The following PRPF40B variants were observed in gnomAD, a reference collection of about 807,000 sequenced individuals.
PRPF40B encodes pre-mRNA processing factor 40B, also known as pre-mRNA-processing factor 40 homolog B.
PRPF40B carries 56 observed loss-of-function variants against 124.5 expected under a neutral mutation model. That is an observed-to-expected ratio of 0.45 (90% CI 0.36 to 0.56). The LOEUF is 0.56. Ranked by LOEUF, PRPF40B falls within the 20% of genes least tolerant of loss-of-function variation. PRPF40B has a pLI of 0.00. For synonymous variants in PRPF40B, 443 were observed against 426.4 expected (o/e 1.04, Z -0.48); for missense variants, 1,053 against 1,169.5 (o/e 0.90, Z 1.45).
In PRPF40B at chr12:49,642,015, C is replaced by T; in HGVS notation, c.1875C>T (p.Thr625=). The T allele has an allele frequency of 6.2e-7, 1 of 1,612,820 alleles. No homozygotes were observed. ...AALDAGNIKL[T]FNSLLEKAEA... ...TGGACGCAGGCAACATCAAGCTGACCTTCAATAGTGTGAGGGGCTGGGCGG... is the reference window on the plus strand; with the variant it reads ...TGGACGCAGGCAACATCAAGCTGACTTTCAATAGTGTGAGGGGCTGGGCGG... The change falls in exon 19 of 26, where the codon ACC becomes ACT. Residue 625 remains threonine (T), a synonymous_variant. Transcript: ENST00000548825. This position sits in a 1 kb window ranked among gnomAD's most constrained non-coding sequence, Gnocchi z 5.8.
Position 49,637,719 on chromosome 12 carries a change from C to T in PRPF40B, c.1676-14C>T, listed in dbSNP as rs755544540. The T allele has an allele frequency of 3.2e-6, 5 of 1,563,724 alleles. No individual in the cohort carries two copies. Among genetic ancestry groups the T allele is most frequent in the Non-Finnish European group, 2.6e-6 (3 of 1,138,148 alleles). On this transcript the variant is annotated splice_polypyrimidine_tract_variant and intron_variant, in intron 17 of 25. Transcript: ENST00000548825. ...GCTGCCGCCCGCCAGGCCCCCCTCC[C>T]TCCCTCCTTACAGGCTCCACCCCTC...
intron 2 of PRPF40B, among the ~76,000 whole-genome samples, 190 bp downstream of exon 2, chr12:49,630,815 G>A (rs1011375191): frequency 6.6e-6 from 1 of 152,114 alleles, no homozygotes; most frequent in African/African-American, 2.4e-5. Flanking sequence ...ACATAACATT[G>A]ACAATTCCCC....
At chr12:49,636,061 T>G in intron 15 of PRPF40B, 68 bp downstream of exon 15, 3 of 1,586,466 alleles carry the variant, frequency 1.9e-6, no homozygotes, top group South Asian at 1.1e-5. Flanking sequence ...CCCCAGAGTC[T>G]GCCTCACCCC....
chr12:49,643,773 C>A (rs1414110391), intron 24 of PRPF40B, 21 bp downstream of exon 24: 1 of 1,613,654 alleles, frequency 6.2e-7, no homozygotes, highest in Non-Finnish European at 8.5e-7. Context: ...GAACTTCTAC[C>A]TAAGCCCCTG....
intron 9 of PRPF40B, 97 bp from the exon 10 acceptor site, chr12:49,633,789 T>C (rs996470979): frequency 6.2e-7 from 1 of 1,605,818 alleles, no homozygotes; most frequent in Non-Finnish European, 8.5e-7. Context: ...TCATCCCCTC[T>C]GGCCCCAGTC....
Position 49,636,691 on chromosome 12 carries a change from C to G in PRPF40B, c.1427-25C>G, listed in dbSNP as rs545428941. The G allele has an allele frequency of 1.2e-5, 19 of 1,613,190 alleles. No individual in the cohort carries two copies. The South Asian group carries it at 2.1e-4, about 18-fold the overall frequency. On this transcript the variant is annotated intron_variant, in intron 15 of 25. Coordinates refer to ENST00000548825, the MANE Select transcript of PRPF40B (RefSeq NM_001031698.3). ...GAGGGTATCCTGCTGGGACAATGCC[C>G]GCGGAACCTCCTGCCTGTCTTTAGA...
Position 49,643,978 on chromosome 12 carries a change from C to T in PRPF40B, c.2560C>T (p.Pro854Ser), listed in dbSNP as rs770659188. 1 of 1,614,172 alleles carries T rather than the reference C, an allele frequency of 6.2e-7. No homozygotes were observed. The highest frequency in any genetic ancestry group is 8.5e-7 in the Non-Finnish European group (1 of 1,180,032). ...ACAGGCAGAGCTCCCTAACCGTTCC[C>T]CAGGCTTTGGAATCAAGAAGGAGAA... The part of the protein sequence containing the change: ...LQQAELPNRS[P>S]GFGIKKEKTG... The change falls in exon 25 of 26, where the codon CCA (proline) becomes TCA (serine). Residue 854 changes from proline to serine, a missense_variant. Pro to Ser is a moderately conservative substitution (Grantham distance 74, BLOSUM62 -1). Transcript: ENST00000548825.
intron 18 of PRPF40B, chr12:49,639,856 T>C (rs1179577589): frequency 6.6e-6 from 1 of 152,174 alleles, no homozygotes; most frequent in Non-Finnish European, 1.5e-5. Flanking sequence ...GGAATTCTAT[T>C]TGGGGAATTA....
At chr12:49,623,854 T>A in intron 1 of PRPF40B, 1 of 1,003,962 alleles carries the variant, frequency 1.0e-6, no homozygotes, top group Non-Finnish European at 1.2e-6. Flanking sequence ...AAGAGTGGGA[T>A]TGGGAGAGGT....
chr12:49,625,134 A>G (rs1399395992), intron 1 of PRPF40B, among the ~76,000 whole-genome samples: 2 of 152,154 alleles, frequency 1.3e-5, no homozygotes, highest in Non-Finnish European at 2.9e-5. Flanking sequence ...GACCTTGGGA[A>G]CACCTGGCTC....
chr12:49,635,746 G>T lies in PRPF40B; in HGVS notation c.1276-97G>T, dbSNP rs986351452. On this transcript the variant is annotated intron_variant, in intron 14 of 25. Transcript: ENST00000548825. The surrounding 1 kb of genome is among the most constrained non-coding windows in gnomAD (Gnocchi z 4.1). ...AGTCTTGAGTATGGCCTTCTTCCTA[G>T]GGTTCCCTAGCTACCTTTCCCCAGG... is the stretch of plus-strand genomic sequence containing the variant. 5 of 1,463,142 alleles carry T rather than the reference G, an allele frequency of 3.4e-6. No homozygotes were observed. The highest frequency in any genetic ancestry group is 1.4e-5 in the African/African-American group (1 of 71,678). 90.6% of individuals were successfully genotyped at this position (1,463,142 alleles called of 1,614,324 possible).
chr12:49,643,041 TG>T lies in PRPF40B; in HGVS notation c.2205+29del, dbSNP rs748049386. ...AGTGAGTAAGCGTGTAGAAGGGACA[TG>T]GGGTGAAGCTGGGTTGTTTTGGGGA... On this transcript the variant is annotated intron_variant, in intron 22 of 25. Coordinates refer to ENST00000548825, the MANE Select transcript of PRPF40B (RefSeq NM_001031698.3). 4.3e-6 allele frequency: 7 copies of T among 1,611,170 alleles called. No homozygotes were observed. In the South Asian group the frequency reaches 7.7e-5, roughly 18 times the overall value.
In PRPF40B at chr12:49,631,398, C is replaced by A; in HGVS notation, c.85-3C>A. The stretch of plus-strand genomic sequence containing the variant: ...CAGTATCTCTTCCTTTACTCATTTC[C>A]AGATGCCCCCTCCAGGGATCCCCCC... On this transcript the variant is annotated splice_region_variant and splice_polypyrimidine_tract_variant and intron_variant, in intron 2 of 25. Transcript: ENST00000548825. This position sits in a 1 kb window ranked among gnomAD's most constrained non-coding sequence, Gnocchi z 4.3. 1 of 1,509,460 alleles carries A rather than the reference C, an allele frequency of 6.6e-7. No individual in the cohort carries two copies. Among genetic ancestry groups the A allele is most frequent in the Non-Finnish European group, 8.8e-7 (1 of 1,132,400 alleles). The allele number at this position is 1,509,460 out of a possible 1,614,324, so 93.5% of individuals were successfully genotyped here.
intron 18 of PRPF40B, 52 bp from the exon 19 acceptor site, chr12:49,641,856 C>G: frequency 7.3e-6 from 11 of 1,508,044 alleles, no homozygotes; most frequent in Non-Finnish European, 9.2e-6. Flanking sequence ...TGCCTGCCAG[C>G]TTTGGCCTCA....
Position 49,642,125 on chromosome 12 carries a change from G to A in PRPF40B, c.1884+101G>A. 5 of 1,603,246 alleles carry A rather than the reference G, an allele frequency of 3.1e-6. No individual in the cohort carries two copies. The highest frequency in any genetic ancestry group is 4.3e-6 in the Non-Finnish European group (5 of 1,172,474). ...CACTGACTATATTCCCAATTCAGGG[G>A]ATGGTGGTAGAAGCCCAGACCCTAA... On this transcript the variant is annotated intron_variant, in intron 19 of 25. Transcript: ENST00000548825. The surrounding 1 kb of genome is among the most constrained non-coding windows in gnomAD (Gnocchi z 5.8).
Position 49,635,561 on chromosome 12 carries a change from C to A in PRPF40B, c.1275+88C>A. On this transcript the variant is annotated intron_variant, in intron 14 of 25. Transcript: ENST00000548825. The surrounding 1 kb of genome is among the most constrained non-coding windows in gnomAD (Gnocchi z 4.1). ...TGTTATGGACCCTCGCCATTTACTTCTCTACTTCCCCAGTGTCCCAGCTTC... is the reference window on the plus strand; with the variant it reads ...TGTTATGGACCCTCGCCATTTACTTATCTACTTCCCCAGTGTCCCAGCTTC... The A allele has an allele frequency of 7.8e-7, 1 of 1,274,140 alleles. No individual in the cohort carries two copies. Among genetic ancestry groups the A allele is most frequent in the Admixed American group, 2.2e-5 (1 of 45,238 alleles). The allele number at this position is 1,274,140 out of a possible 1,614,324, so 78.9% of individuals were successfully genotyped here.
chr12:49,623,598 C>T lies in PRPF40B; in HGVS notation c.3+5C>T, dbSNP rs1940394106. 2 of 1,233,848 alleles carry T rather than the reference C, an allele frequency of 1.6e-6. No individual in the cohort carries two copies. The highest frequency in any genetic ancestry group is 2.0e-6 in the Non-Finnish European group (2 of 988,816). The allele number at this position is 1,233,848 out of a possible 1,614,324, so 76.4% of individuals were successfully genotyped here. ...CTGCTCGGAGGCTCTGGCATGGTAA[C>T]ATCCCCGCGCGGGGGTGGAGGGGCT... On this transcript the variant is annotated splice_donor_5th_base_variant and intron_variant, in intron 1 of 25. Coordinates refer to ENST00000548825, the MANE Select transcript of PRPF40B (RefSeq NM_001031698.3).
At position 49,632,598 on chromosome 12, in the gene PRPF40B, G is replaced by A. The variant is rs374768445; in HGVS notation, c.297G>A (p.Thr99=). Reference sequence around the variant, plus strand: ...TCCCCCTCCTCTTTCTTCGGCAGACGGCTCCGGGTGCGGACACCGCCAGCT... The same window carrying A: ...TCCCCCTCCTCTTTCTTCGGCAGACAGCTCCGGGTGCGGACACCGCCAGCT... The part of the protein sequence containing the change: ...LMPAVPVTAA[T]APGADTASSA... The change falls in exon 5 of 26, where the codon ACG becomes ACA. Residue 99 remains threonine, a splice_region_variant and synonymous_variant. Coordinates refer to ENST00000548825, the MANE Select transcript of PRPF40B (RefSeq NM_001031698.3). 7.4e-6 allele frequency: 12 copies of A among 1,613,698 alleles called. No homozygotes were observed. The highest frequency in any genetic ancestry group is 6.7e-5 in the African/African-American group (5 of 75,026).
chr12:49,644,160 A>G lies in PRPF40B; in HGVS notation c.2647A>G (p.Thr883Ala), dbSNP rs1015556379. The G allele has an allele frequency of 1.9e-6, 3 of 1,613,908 alleles. No homozygotes were observed. Among genetic ancestry groups the G allele is most frequent in the Admixed American group, 3.3e-5 (2 of 59,988 alleles). ...SEGELERRRR[T>A]LLQQLDDHQ ...GGGTGAGCTGGAGAGGCGGCGGCGGACACTCCTACAGCAGCTGGATGATCA... is the reference window on the plus strand; with the variant it reads ...GGGTGAGCTGGAGAGGCGGCGGCGGGCACTCCTACAGCAGCTGGATGATCA... Residue 883 changes from threonine (T) to alanine (A), a missense_variant, in exon 26 of 26, where the codon ACA becomes GCA. Around this residue, in one of 2 missense-constraint regions of PRPF40B, gnomAD observed 895 missense variants for 1,052.2 expected, o/e 0.85. Transcript: ENST00000548825.
Sources: allele counts gnomAD v4.1 joint callset (sites outside exome capture counted in the v4.1 genomes callset), GRCh38; gene constraint gnomAD v4.1.1; regional missense constraint gnomAD v4.1.1; non-coding constraint Gnocchi (gnomAD v3.1); transcripts MANE v1.5; gene names NCBI Gene and HGNC (gene_info 2026-07-23, HGNC 2026-07-21).